Variants in ZNF836 observed in about 807,000 individuals in gnomAD.
The protein encoded by ZNF836 is zinc finger protein 836.
Under a neutral mutation model 7.4 loss-of-function variants are expected in ZNF836, and 12 were observed. That is an observed-to-expected ratio of 1.61 (90% CI 1.03 to 2.61). ZNF836 has a LOEUF of 2.61. Among genes scored for constraint, ZNF836 ranks in the 30% most tolerant of loss-of-function variants. The pLI is 0.00. For synonymous variants in ZNF836, 365 were observed against 382.6 expected, an observed-to-expected ratio of 0.95 and a Z score of 0.54; for missense variants, 998 against 1,126.2, an observed-to-expected ratio of 0.89 and a Z score of 1.63.
chr19:52,167,729 CAG>C (rs1258518362), intron 3 of ZNF836, among the ~76,000 whole-genome samples: 1 of 152,086 alleles, frequency 6.6e-6, no homozygotes, highest in East Asian at 1.9e-4. Context: ...TTCTGGTCTA[CAG>C]AGAGCTGACT....
rs772838990 is a variant in ZNF836 at position 52,156,030 on chromosome 19, C to G, written c.1653G>C (p.Glu551Asp). The change falls in exon 5 of 5, where the codon GAG (glutamate) becomes GAC (aspartate). Residue 551 changes from glutamate to aspartate, a missense_variant. Glu to Asp is a conservative substitution (Grantham distance 45). Coordinates refer to ENST00000682614, the MANE Select transcript of ZNF836 (RefSeq NM_001102657.3). ...LVRHLRIHTG[E>D]QPYKCNVCGK... ...CACACACATTACATTTGTAAGGTTG[C>G]TCCCCAGTATGAATTCTTAAATGTC... is the stretch of plus-strand genomic sequence containing the variant. 8.1e-6 allele frequency: 13 copies of G among 1,614,050 alleles called. No homozygotes were observed. In the South Asian group the frequency reaches 1.4e-4, roughly 18 times the overall value.
intron 2 of ZNF836, 84 bp from the exon 3 acceptor site, chr19:52,168,236 A>C: frequency 1.2e-6 from 1 of 830,652 alleles, no homozygotes; most frequent in Non-Finnish European, 1.9e-6. Context: ...GGAAGACCTC[A>C]GCATGTGGAG....
chr19:52,157,333 T>G lies in ZNF836; in HGVS notation c.350A>C (p.Lys117Thr). The G allele has an allele frequency of 6.2e-7, 1 of 1,606,102 alleles. No individual in the cohort carries two copies. Among genetic ancestry groups the G allele is most frequent in the Non-Finnish European group, 8.5e-7 (1 of 1,177,458 alleles). ...ACCTCTTTTACCATTAAGATTGTTT[T>G]TATAGGTCATTGGCACTTCTTTATA... ...INYKEVPMTY[K>T]NNLNGKRGQH... Residue 117 changes from lysine to threonine, a missense_variant, in exon 5 of 5, where the codon AAA becomes ACA. Transcript: ENST00000682614.
chr19:52,165,131 C>T (rs1283978373), intron 3 of ZNF836: 1 of 152,112 alleles, frequency 6.6e-6, no homozygotes, highest in Non-Finnish European at 1.5e-5. Context: ...GCAAGAAAAC[C>T]TTAGATCTAA....
At chr19:52,166,235 C>T (rs939727804) in intron 3 of ZNF836, among the ~76,000 whole-genome samples, 1 of 152,140 alleles carries the variant, frequency 6.6e-6, no homozygotes, top group Non-Finnish European at 1.5e-5. Flanking sequence ...GGTGATCCGC[C>T]TGCCTCAGCC....
chr19:52,168,690 G>A (rs941734700), intron 2 of ZNF836, among the ~76,000 whole-genome samples: 2 of 151,840 alleles, frequency 1.3e-5, no homozygotes, highest in Middle Eastern at 3.2e-3. Context: ...TATAGTATGC[G>A]TACATATGTA....
At chr19:52,164,333 C>T (rs2089241391) in intron 3 of ZNF836, among the ~76,000 whole-genome samples, 1 of 148,098 alleles carries the variant, frequency 6.8e-6, no homozygotes, top group Admixed American at 6.8e-5. Flanking sequence ...GCAGAGGTTG[C>T]AGTGAGCTGA....
At position 52,155,662 on chromosome 19, in the gene ZNF836, G is replaced by A. The variant is rs1218896292; in HGVS notation, c.2021C>T (p.Ala674Val). The change falls in exon 5 of 5, where the codon GCC (alanine) becomes GTC (valine). Residue 674 changes from alanine to valine, a missense_variant. Coordinates refer to ENST00000682614, the MANE Select transcript of ZNF836 (RefSeq NM_001102657.3). ...AGTGAGGCTTGAACGCTGAGTATAG[G>A]CTTTGCCACAATCATTACATTTGTA... ...KPYKCNDCGK[A>V]YTQRSSLTKH... is the part of the protein sequence containing the mutation. The A allele has an allele frequency of 5.6e-6, 9 of 1,613,946 alleles. No individual in the cohort carries two copies. The highest frequency in any genetic ancestry group is 1.7e-5 in the Admixed American group (1 of 60,010).
chr19:52,167,775 G>T (rs1354360097), intron 3 of ZNF836, among the ~76,000 whole-genome samples: 12 of 152,154 alleles, frequency 7.9e-5, no homozygotes, highest in Non-Finnish European at 1.3e-4. Flanking sequence ...AATCTCTGCT[G>T]CCAACAGCTC....
chr19:52,170,260 CTCCCCAATCTTTCTGATTG>C (rs2089297647), intron 1 of ZNF836: 1 of 152,220 alleles, frequency 6.6e-6, no homozygotes, highest in Non-Finnish European at 1.5e-5. Flanking sequence ...GTAGCTCTTT[CTCCCCAATCTTTCTGATTG>C]TCCCCAATCT....
At position 52,155,953 on chromosome 19, in the gene ZNF836, G is replaced by T; in HGVS notation, c.1730C>A (p.Thr577Lys). Reference sequence around the variant, plus strand: ...ATTACATTGGAAAGGTTTCTCTCCCGTATGTATTCTCTTATGAATTGAAAG... The same window carrying T: ...ATTACATTGGAAAGGTTTCTCTCCCTTATGTATTCTCTTATGAATTGAAAG... ...GNLSIHKRIH[T>K]GEKPFQCNEC... The change falls in exon 5 of 5, where the codon ACG becomes AAG. Residue 577 changes from threonine (T) to lysine (K), a missense_variant. By Grantham distance (78) the Thr-to-Lys change is moderately conservative. Coordinates refer to ENST00000682614, the MANE Select transcript of ZNF836 (RefSeq NM_001102657.3). The T allele has an allele frequency of 6.2e-7, 1 of 1,613,918 alleles. No homozygotes were observed. The highest frequency in any genetic ancestry group is 1.3e-5 in the African/African-American group (1 of 74,998).
intron 3 of ZNF836, among the ~76,000 whole-genome samples, chr19:52,165,616 G>C (rs1280880368): frequency 6.6e-6 from 1 of 152,150 alleles, no homozygotes; most frequent in African/African-American, 2.4e-5. Flanking sequence ...TGATGTGATA[G>C]GGAAAGGAAC....
Position 52,168,082 on chromosome 19 carries a change from C to A in ZNF836, c.-10G>T, listed in dbSNP as rs1373441122. 5 of 1,611,888 alleles carry A rather than the reference C, an allele frequency of 3.1e-6. No individual in the cohort carries two copies. Among genetic ancestry groups the A allele is most frequent in the Non-Finnish European group, 4.2e-6 (5 of 1,178,600 alleles). On this transcript the variant is annotated 5_prime_UTR_variant, in exon 3 of 5. It adds an upstream start codon to the 5' untranslated region. Transcript: ENST00000682614. ...CCTGTGTAAGAGCCATCCCTGACTC[C>A]TTTTCTTTCCTCTTCTTCCTCTTCT...
At chr19:52,167,599 A>G (rs2089277384) in intron 3 of ZNF836, among the ~76,000 whole-genome samples, 1 of 152,052 alleles carries the variant, frequency 6.6e-6, no homozygotes, top group African/African-American at 2.4e-5. Flanking sequence ...TGATTAATTC[A>G]TACACCTTCA....
chr19:52,161,749 A>G lies in ZNF836; in HGVS notation c.16-1158T>C, dbSNP rs1217792835. Among the ~76,000 whole-genome samples the G allele has an allele frequency of 1.3e-5, 2 of 152,206 alleles. No individual in the cohort carries two copies. The highest frequency in any genetic ancestry group is 2.9e-5 in the Non-Finnish European group (2 of 68,034). On this transcript the variant is annotated intron_variant, in intron 3 of 4. Coordinates refer to ENST00000682614, the MANE Select transcript of ZNF836 (RefSeq NM_001102657.3). This position sits in a 1 kb window ranked among gnomAD's most constrained non-coding sequence, Gnocchi z 4.1. ...AATACATTCTATCCTAATGGCTCCC[A>G]AAGCTTTATTTCTACAACCAATTCA...
intron 4 of ZNF836, among the ~76,000 whole-genome samples, chr19:52,159,413 GA>G (rs760647014): frequency 4.7e-4 from 71 of 152,312 alleles, no homozygotes; most frequent in Non-Finnish European, 8.1e-4. Flanking sequence ...AGTAAGACAT[GA>G]ACCTGGGTTT....
At chr19:52,165,475 G>A (rs940497168) in intron 3 of ZNF836, 1 of 152,232 alleles carries the variant, frequency 6.6e-6, no homozygotes, top group Non-Finnish European at 1.5e-5. Flanking sequence ...AAACTTCACA[G>A]CAGAACATTC....
intron 3 of ZNF836, 65 bp from the exon 4 acceptor site, chr19:52,160,656 A>G: frequency 1.3e-6 from 2 of 1,522,882 alleles, no homozygotes; most frequent in South Asian, 1.3e-5. Flanking sequence ...TAAAATGAGA[A>G]GAGGAGAGAA....
chr19:52,160,142 C>T (rs1183926157), intron 4 of ZNF836, among the ~76,000 whole-genome samples: 1 of 149,482 alleles, frequency 6.7e-6, no homozygotes, highest in Non-Finnish European at 1.5e-5. Flanking sequence ...GGGTTCACGC[C>T]ACTGCACTCC....
Sources: allele counts gnomAD v4.1 joint callset (sites outside exome capture counted in the v4.1 genomes callset), GRCh38; gene constraint gnomAD v4.1.1; non-coding constraint Gnocchi (gnomAD v3.1); transcripts MANE v1.5; gene names NCBI Gene and HGNC (gene_info 2026-07-23, HGNC 2026-07-21).